Variants in CAMTA1 observed in about 807,000 individuals in gnomAD.
The protein encoded by CAMTA1 is calmodulin binding transcription activator 1, also known as calmodulin-binding transcription activator 1.
A neutral mutation model predicts 170.9 loss-of-function variants in CAMTA1; 27 were observed. The observed-to-expected ratio is 0.16, with a 90% confidence interval of 0.12 to 0.22. The LOEUF (loss-of-function observed/expected upper bound fraction) is 0.22. Among genes scored for constraint, CAMTA1 ranks in the 10% least tolerant of loss-of-function variants. The pLI is 1.00. For missense variants in CAMTA1, 1,619 were observed against 2,217.2 expected (o/e 0.73, Z 5.42); for synonymous variants, 833 against 891.5 (o/e 0.93, Z 1.17).
At chr1:6,941,391 C>T (rs1452900770) in intron 3 of CAMTA1, among the ~76,000 whole-genome samples, 1 of 152,132 alleles carries the variant, frequency 6.6e-6, no homozygotes, top group East Asian at 1.9e-4. Flanking sequence ...GAATCCGAGT[C>T]CCTCAGAGGC....
At chr1:7,448,180 G>T (rs1039491700) in intron 5 of CAMTA1, among the ~76,000 whole-genome samples, 3 of 152,244 alleles carry the variant, frequency 2.0e-5, no homozygotes, top group Non-Finnish European at 2.9e-5. Context: ...CTGGGGTGAG[G>T]AGGAGGGCAC....
chr1:7,716,148 T>C (rs953032447), intron 11 of CAMTA1, among the ~76,000 whole-genome samples: 1 of 152,180 alleles, frequency 6.6e-6, no homozygotes, highest in African/African-American at 2.4e-5. Context: ...TCCCCCCATC[T>C]CAGCCTCCAG....
intron 3 of CAMTA1, among the ~76,000 whole-genome samples, chr1:6,830,959 C>T (rs1284161233): frequency 2.6e-5 from 4 of 152,064 alleles, no homozygotes; most frequent in African/African-American, 9.7e-5. Context: ...GCTGGGACTA[C>T]AGGCACCCGT....
chr1:6,830,493 G>A (rs886952397), intron 3 of CAMTA1, among the ~76,000 whole-genome samples: 2 of 151,444 alleles, frequency 1.3e-5, no homozygotes, highest in East Asian at 1.9e-4. Flanking sequence ...ACAGGCATGC[G>A]CCACCATGCC....
Position 7,661,870 on chromosome 1 carries a change from A to G in CAMTA1, c.805+4A>G. On this transcript the variant is annotated splice_donor_region_variant and intron_variant, in intron 8 of 22. Transcript: ENST00000303635. ...TGCCTCTGCACCGGCAGCCTGGGTG[A>G]GCCGGGGCTCCCGGGGCAGGCGGGC... The G allele has an allele frequency of 6.2e-7, 1 of 1,606,102 alleles. No homozygotes were observed.
chr1:6,932,992 A>G (rs1684666773), intron 3 of CAMTA1, among the ~76,000 whole-genome samples: 1 of 152,022 alleles, frequency 6.6e-6, no homozygotes, highest in South Asian at 2.1e-4. Context: ...TAATTATGAT[A>G]ATGTCAGTTT....
At chr1:7,255,971 G>A (rs7512599) in intron 5 of CAMTA1, among the ~76,000 whole-genome samples, 102,110 of 152,018 alleles carry the variant, frequency 0.67, 34,639 homozygotes, top group Non-Finnish European at 0.72. Context: ...TCTCATGACC[G>A]TTTCTAGTAC....
intron 4 of CAMTA1, among the ~76,000 whole-genome samples, chr1:7,212,462 A>G (rs1236983571): frequency 6.6e-6 from 1 of 151,292 alleles, no homozygotes; most frequent in African/African-American, 2.4e-5. Flanking sequence ...ATACTTTCTT[A>G]TTTTCTCCTT....
chr1:7,168,699 C>T (rs984541948), intron 4 of CAMTA1, among the ~76,000 whole-genome samples: 2 of 152,200 alleles, frequency 1.3e-5, no homozygotes, highest in Non-Finnish European at 2.9e-5. Context: ...CTACTGCATC[C>T]AGCAATTGTA....
At chr1:7,668,388 AACACACACAC>A (rs779206499) in intron 9 of CAMTA1, among the ~76,000 whole-genome samples, 70 of 101,476 alleles carry the variant, frequency 6.9e-4, no homozygotes, top group South Asian at 1.8e-3. Context: ...GCTGGTCACC[AACACACACAC>A]ACACACACAC....
chr1:7,069,586 G>T (rs566749380), intron 3 of CAMTA1, among the ~76,000 whole-genome samples: 1 of 152,266 alleles, frequency 6.6e-6, no homozygotes, highest in South Asian at 2.1e-4. Context: ...AGGGACCACA[G>T]GGTCTGTCTG....
At chr1:6,902,066 C>CAAA (rs753157406) in intron 3 of CAMTA1, among the ~76,000 whole-genome samples, 55 of 125,120 alleles carry the variant, frequency 4.4e-4, no homozygotes, top group African/African-American at 1.6e-3. Context: ...CACACACACA[C>CAAA]ACACACAAAA....
In CAMTA1 at chr1:7,195,873, G is replaced by T. The variant is rs914126531; in HGVS notation, c.303-53618G>T. Among the ~76,000 whole-genome samples the T allele has an allele frequency of 6.6e-6, 1 of 152,142 alleles. No homozygotes were observed. Among genetic ancestry groups the T allele is most frequent in the African/African-American group, 2.4e-5 (1 of 41,428 alleles). ...GTCTCTACTAAGAATACAAAAATTA[G>T]CCAGGCATGGTGGCACATGCCTGTA... On this transcript the variant is annotated intron_variant, in intron 4 of 22. Coordinates refer to ENST00000303635, the MANE Select transcript of CAMTA1 (RefSeq NM_015215.4). The surrounding 1 kb of genome is among the most constrained non-coding windows in gnomAD (Gnocchi z 4.1).
At chr1:6,932,812 A>G (rs964514733) in intron 3 of CAMTA1, among the ~76,000 whole-genome samples, 1 of 152,124 alleles carries the variant, frequency 6.6e-6, no homozygotes, top group Non-Finnish European at 1.5e-5. Context: ...TGTCTATTCA[A>G]ATCTTTTGTC....
chr1:7,289,685 G>A (rs570847273), intron 5 of CAMTA1, among the ~76,000 whole-genome samples: 2 of 152,308 alleles, frequency 1.3e-5, no homozygotes, highest in Non-Finnish European at 2.9e-5. Flanking sequence ...CTTATCTAAT[G>A]ACTGGTGTCC....
intron 5 of CAMTA1, among the ~76,000 whole-genome samples, chr1:7,305,758 T>G (rs1489456449): frequency 6.6e-6 from 1 of 152,090 alleles, no homozygotes; most frequent in Non-Finnish European, 1.5e-5. Flanking sequence ...GTGGAATGGT[T>G]GCGTTAGATA....
intron 6 of CAMTA1, among the ~76,000 whole-genome samples, chr1:7,591,992 G>A (rs1179119876): frequency 1.3e-5 from 2 of 152,160 alleles, no homozygotes; most frequent in Admixed American, 6.5e-5. Context: ...TCCGCCTTGT[G>A]GGTTCAAGTG....
At chr1:7,549,362 G>A (rs2094767552) in intron 6 of CAMTA1, among the ~76,000 whole-genome samples, 1 of 152,048 alleles carries the variant, frequency 6.6e-6, no homozygotes, top group Non-Finnish European at 1.5e-5. Context: ...GGTTGACCTT[G>A]TTGGCAGCAG....
At chr1:7,206,717 G>A (rs934792788) in intron 4 of CAMTA1, among the ~76,000 whole-genome samples, 3 of 152,186 alleles carry the variant, frequency 2.0e-5, no homozygotes, top group African/African-American at 7.2e-5. Flanking sequence ...CGTTAATTCT[G>A]TTCTCACTCC....
Sources: gnomAD v4.1 joint callset for allele counts (sites outside exome capture counted in the v4.1 genomes callset) on GRCh38, gnomAD v4.1.1 for gene constraint, Gnocchi (gnomAD v3.1) non-coding constraint, MANE v1.5 for transcripts, NCBI Gene and HGNC (gene_info 2026-07-23, HGNC 2026-07-21) for gene names.